RANBP17: variants seen among roughly 807,000 people sequenced by gnomAD.
The protein encoded by RANBP17 is ran-binding protein 17.
In RANBP17, 158 loss-of-function variants were observed where a neutral mutation model predicts 141.2. The observed-to-expected ratio is 1.12, with a 90% CI of 0.98 to 1.28. The LOEUF (loss-of-function observed/expected upper bound fraction) is 1.28. Ranked by LOEUF, RANBP17 falls within the 50% of genes most tolerant of loss-of-function variation. The pLI is 0.00. For synonymous variants in RANBP17, 430 were observed against 450.0 expected, an observed-to-expected ratio of 0.96 and a Z score of 0.56; for missense variants, 1,438 against 1,290.7, an observed-to-expected ratio of 1.11 and a Z score of -1.75.
chr5:170,880,855 A>C (rs918385816), intron 2 of RANBP17, among the ~76,000 whole-genome samples: 1 of 152,236 alleles, frequency 6.6e-6, no homozygotes, highest in Non-Finnish European at 1.5e-5. Flanking sequence ...GTGTCATGTC[A>C]TGACAACACC....
chr5:171,044,735 A>G (rs1782461500), intron 14 of RANBP17, among the ~76,000 whole-genome samples: 1 of 152,106 alleles, frequency 6.6e-6, no homozygotes, highest in Non-Finnish European at 1.5e-5. Context: ...CTCAAATATA[A>G]TGGTTTACCC....
chr5:171,083,386 C>G (rs1785385901), intron 14 of RANBP17, among the ~76,000 whole-genome samples: 1 of 152,178 alleles, frequency 6.6e-6, no homozygotes, highest in Non-Finnish European at 1.5e-5. Flanking sequence ...AGAAGAGGGC[C>G]CTCACCAGAC....
intron 5 of RANBP17, 22 bp from the exon 6 acceptor site, chr5:170,909,639 A>G: frequency 1.8e-6 from 2 of 1,138,878 alleles, no homozygotes; most frequent in East Asian, 2.6e-5. Context: ...TGGTTAAACT[A>G]ATTTCATCTT....
intron 25 of RANBP17, among the ~76,000 whole-genome samples, chr5:171,285,139 C>T (rs77716168): frequency 0.012 from 1,802 of 152,318 alleles, 32 homozygotes; most frequent in African/African-American, 0.042. Context: ...TTTATTTCCT[C>T]TTCCAAATAT....
rs1779441743 is a variant in RANBP17, at chr5:171,004,495, C to T, written c.1710+36118C>T. On this transcript the variant is annotated intron_variant, in intron 14 of 27. Coordinates refer to ENST00000523189, the MANE Select transcript of RANBP17 (RefSeq NM_022897.5). Reference sequence around the variant, plus strand: ...TCAATACCCACAACAGTTATGGGGGCAAGGGAAACAGGCCCTTGAAAAGAA... The same window carrying T: ...TCAATACCCACAACAGTTATGGGGGTAAGGGAAACAGGCCCTTGAAAAGAA... Among the ~76,000 whole-genome samples the T allele has an allele frequency of 2.0e-5, 3 of 152,044 alleles. No individual in the cohort carries two copies. In the South Asian group the frequency reaches 6.2e-4, roughly 32 times the overall value.
intron 18 of RANBP17, among the ~76,000 whole-genome samples, chr5:171,197,805 G>A (rs574888876): frequency 2.4e-4 from 37 of 152,308 alleles, no homozygotes; most frequent in Non-Finnish European, 3.2e-4. Flanking sequence ...TTGGGAGGCC[G>A]AGGCGGGCGG....
intron 14 of RANBP17, among the ~76,000 whole-genome samples, chr5:171,076,099 A>G (rs1015856598): frequency 2.6e-5 from 4 of 152,362 alleles, no homozygotes; most frequent in African/African-American, 9.6e-5. Context: ...CACTGCTTGT[A>G]ATGACAAAAT....
At chr5:171,077,062 G>A (rs192481830) in intron 14 of RANBP17, among the ~76,000 whole-genome samples, 4 of 152,178 alleles carry the variant, frequency 2.6e-5, no homozygotes, top group African/African-American at 7.2e-5. Context: ...ACAACATGCC[G>A]GGCGCATTGA....
At chr5:170,872,350 G>A (rs1767816267) in intron 1 of RANBP17, among the ~76,000 whole-genome samples, 1 of 152,020 alleles carries the variant, frequency 6.6e-6, no homozygotes, top group Non-Finnish European at 1.5e-5. Context: ...TTGTGATTTT[G>A]CCCGTTGATT....
At chr5:171,221,292 G>T (rs2127981289) in intron 21 of RANBP17, among the ~76,000 whole-genome samples, 1 of 152,248 alleles carries the variant, frequency 6.6e-6, no homozygotes, top group African/African-American at 2.4e-5. Flanking sequence ...ACACATATGT[G>T]CAGTATTTTA....
intron 3 of RANBP17, among the ~76,000 whole-genome samples, chr5:170,891,852 G>A (rs1361501493): frequency 6.6e-6 from 1 of 152,094 alleles, no homozygotes; most frequent in Non-Finnish European, 1.5e-5. Flanking sequence ...GCCTGGTTTC[G>A]GTTTTCTGCA....
Position 170,919,447 on chromosome 5 carries a change from G to A in RANBP17, c.1108G>A (p.Glu370Lys). 6.4e-7 allele frequency: 1 copy of A among 1,567,664 alleles called. No individual in the cohort carries two copies. The highest frequency in any genetic ancestry group is 8.6e-7 in the Non-Finnish European group (1 of 1,161,062). Residue 370 changes from glutamate to lysine, a missense_variant, in exon 11 of 28, where the codon GAA becomes AAA. Physicochemically the swap from Glu to Lys is moderately conservative, Grantham distance 56 (BLOSUM62 1). Transcript: ENST00000523189. The part of the protein sequence containing the change: ...NFTITSLQHW[E>K]FAPNSVHYLL... ...CTGCTTTATTTCTTTGTAGCACTGGGAATTTGCTCCTAACAGTGTTCATTA... is the reference window on the plus strand; with the variant it reads ...CTGCTTTATTTCTTTGTAGCACTGGAAATTTGCTCCTAACAGTGTTCATTA...
chr5:171,089,217 A>T lies in RANBP17; in HGVS notation c.1711-80913A>T, dbSNP rs75374726. ...CTGCAGGTCTGTTGGAATACCCTGC[A>T]GTGTGAGGTGTCAGTGTGCCCCTGC... On this transcript the variant is annotated intron_variant, in intron 14 of 27. Transcript: ENST00000523189. Among the ~76,000 whole-genome samples, 125 of 111,742 alleles carry T rather than the reference A, an allele frequency of 1.1e-3. 8 individuals are homozygous for T. The highest frequency in any genetic ancestry group is 2.6e-3 in the Admixed American group (28 of 10,696). The allele number at this position is 111,742 out of a possible 152,430, so 73.3% of individuals were successfully genotyped here.
chr5:171,244,382 CAAAAAA>C (rs996316508), intron 24 of RANBP17, among the ~76,000 whole-genome samples: 6 of 151,138 alleles, frequency 4.0e-5, no homozygotes, highest in Admixed American at 3.9e-4. Context: ...ATCTCAAAAA[CAAAAAA>C]AGGAACTGTA....
intron 5 of RANBP17, among the ~76,000 whole-genome samples, chr5:170,908,259 G>C (rs551876263): frequency 3.9e-5 from 6 of 152,034 alleles, no homozygotes; most frequent in Admixed American, 2.6e-4. Flanking sequence ...CAAAGACGTG[G>C]AATCAGCCTT....
intron 26 of RANBP17, 24 bp downstream of exon 26, chr5:171,294,005 CGGGAGGTGGTCCCT>C: frequency 6.5e-7 from 1 of 1,543,284 alleles, no homozygotes; most frequent in Non-Finnish European, 9.0e-7. Flanking sequence ...CAGGAAGTCA[CGGGAGGTGGTCCCT>C]GGGAGAAGAG....
intron 12 of RANBP17, among the ~76,000 whole-genome samples, chr5:170,927,962 T>C (rs1418012622): frequency 6.6e-6 from 1 of 152,082 alleles, no homozygotes. Context: ...TTTTATGAAG[T>C]GGATGTATCA....
At chr5:171,159,194 A>T (rs1759116920) in intron 14 of RANBP17, among the ~76,000 whole-genome samples, 1 of 152,202 alleles carries the variant, frequency 6.6e-6, no homozygotes, top group African/African-American at 2.4e-5. Flanking sequence ...TCTTACTCTG[A>T]ACCCAGTTTG....
intron 14 of RANBP17, among the ~76,000 whole-genome samples, chr5:171,167,367 TATA>T (rs1759779305): frequency 6.6e-6 from 1 of 152,182 alleles, no homozygotes; most frequent in African/African-American, 2.4e-5. Context: ...AAAAGGCATT[TATA>T]ATGTCTTGAA....
Sources: allele counts gnomAD v4.1 joint callset (sites outside exome capture counted in the v4.1 genomes callset), GRCh38; gene constraint gnomAD v4.1.1; transcripts MANE v1.5; gene names NCBI Gene and HGNC (gene_info 2026-07-23, HGNC 2026-07-21).